Variants in PEX7 observed in about 807,000 individuals in gnomAD.
The protein encoded by PEX7 is peroxisomal biogenesis factor 7.
Under a neutral mutation model 47.5 loss-of-function variants are expected in PEX7, and 34 were observed. The observed-to-expected ratio is 0.72, with a 90% CI of 0.54 to 0.95. The LOEUF (loss-of-function observed/expected upper bound fraction) is 0.95, where lower values mean the gene tolerates loss of function less well. PEX7 is among the 40% of genes least tolerant of loss of function. PEX7 has a pLI of 0.00. For missense variants in PEX7, 394 were observed against 400.3 expected (o/e 0.98, Z 0.13); for synonymous variants, 141 against 148.8 (o/e 0.95, Z 0.38).
intron 5 of PEX7, among the ~76,000 whole-genome samples, chr6:136,858,594 C>A (rs780743941): frequency 3.3e-5 from 5 of 152,144 alleles, no homozygotes; most frequent in Non-Finnish European, 7.4e-5. Context: ...ATTTTTAAAT[C>A]CCAGCTGAAT....
chr6:136,847,805 C>T (rs372441887), intron 5 of PEX7, among the ~76,000 whole-genome samples: 3 of 151,988 alleles, frequency 2.0e-5, no homozygotes, highest in Admixed American at 6.6e-5. Flanking sequence ...TTCTTTTGGC[C>T]TAGGATTGTC....
At chr6:136,842,284 C>T (rs967241040) in intron 3 of PEX7, among the ~76,000 whole-genome samples, 2 of 152,198 alleles carry the variant, frequency 1.3e-5, no homozygotes, top group African/African-American at 4.8e-5. Context: ...CGTGAGCCAC[C>T]ACACTCAGCC....
intron 5 of PEX7, among the ~76,000 whole-genome samples, chr6:136,855,161 T>G: frequency 6.6e-6 from 1 of 152,000 alleles, no homozygotes; most frequent in Admixed American, 6.6e-5. Context: ...GAGCTCTAAT[T>G]GGCAACATAC....
chr6:136,892,867 A>G (rs1374096035), intron 8 of PEX7, among the ~76,000 whole-genome samples: 1 of 152,206 alleles, frequency 6.6e-6, no homozygotes, highest in African/African-American at 2.4e-5. Flanking sequence ...CAATCCATCA[A>G]CTTTTCTTCA....
intron 1 of PEX7, among the ~76,000 whole-genome samples, chr6:136,823,568 G>A (rs1774126849): frequency 6.6e-6 from 1 of 152,030 alleles, no homozygotes; most frequent in Admixed American, 6.6e-5. Flanking sequence ...CTCCAGCCTG[G>A]GTGACAGACT....
In PEX7 at chr6:136,900,295, A is replaced by G. The variant is rs1332000196; in HGVS notation, c.903+2054A>G. 3 of 188,474 alleles carry G rather than the reference A, an allele frequency of 1.6e-5. No homozygotes were observed. The highest frequency in any genetic ancestry group is 5.5e-5 in the Admixed American group (1 of 18,080). The allele number at this position is 188,474 out of a possible 1,614,324, so 11.7% of individuals were successfully genotyped here. On this transcript the variant is annotated intron_variant, in intron 9 of 9. Transcript: ENST00000318471. The surrounding 1 kb of genome is among the most constrained non-coding windows in gnomAD (Gnocchi z 4.2). ...TTAAACACAAACATTTGAGTTGTGT[A>G]TATTATTAATTTATATATTTTTCAA...
At chr6:136,880,753 A>C (rs964917094) in intron 8 of PEX7, among the ~76,000 whole-genome samples, 35 of 152,286 alleles carry the variant, frequency 2.3e-4, no homozygotes, top group African/African-American at 7.5e-4. Context: ...GGCCCAGTCT[A>C]TATAGCTTTG....
chr6:136,851,072 C>T (rs1332691497), intron 5 of PEX7, among the ~76,000 whole-genome samples: 2 of 93,362 alleles, frequency 2.1e-5, no homozygotes, highest in Non-Finnish European at 4.1e-5. Flanking sequence ...CATATGTATA[C>T]ATGTGCCATG....
intron 5 of PEX7, 116 bp from the exon 6 acceptor site, chr6:136,866,511 C>A: frequency 1.2e-6 from 1 of 822,452 alleles, no homozygotes; most frequent in Non-Finnish European, 2.1e-6. Flanking sequence ...CTGAAGGTGG[C>A]AATATCCTAA....
intron 5 of PEX7, among the ~76,000 whole-genome samples, chr6:136,860,826 C>G (rs1774948857): frequency 6.6e-6 from 1 of 152,174 alleles, no homozygotes; most frequent in South Asian, 2.1e-4. Context: ...ATCCTTGTAA[C>G]TGGCACCCAG....
chr6:136,855,421 C>T (rs1454979623), intron 5 of PEX7, among the ~76,000 whole-genome samples: 1 of 150,962 alleles, frequency 6.6e-6, no homozygotes, highest in East Asian at 1.9e-4. Flanking sequence ...CTCACTGCAA[C>T]TTCCGCCTCC....
chr6:136,848,837 C>G (rs1774682207), intron 5 of PEX7, among the ~76,000 whole-genome samples: 1 of 152,192 alleles, frequency 6.6e-6, no homozygotes, highest in South Asian at 2.1e-4. Context: ...CTCTACCAGG[C>G]TTTGGTATCA....
At chr6:136,899,631 C>T (rs1385405725) in intron 9 of PEX7, among the ~76,000 whole-genome samples, 15 of 151,910 alleles carry the variant, frequency 9.9e-5, no homozygotes, top group Admixed American at 3.9e-4. Context: ...CCACCCTCCT[C>T]GGCCTCCCAA....
intron 9 of PEX7, among the ~76,000 whole-genome samples, chr6:136,908,735 G>A (rs534367763): frequency 1.3e-5 from 2 of 152,242 alleles, no homozygotes; most frequent in East Asian, 3.9e-4. Flanking sequence ...ACTGCCTCTC[G>A]AAAGATTGAG....
At chr6:136,910,062 G>A (rs1276280308) in intron 9 of PEX7, among the ~76,000 whole-genome samples, 1 of 152,148 alleles carries the variant, frequency 6.6e-6, no homozygotes, top group Non-Finnish European at 1.5e-5. Context: ...GCAAATAATG[G>A]TTTTCAGTTT....
At chr6:136,869,088 C>G (rs143161477) in intron 6 of PEX7, among the ~76,000 whole-genome samples, 4 of 152,016 alleles carry the variant, frequency 2.6e-5, no homozygotes, top group African/African-American at 9.7e-5. Flanking sequence ...ATGTTGAAAC[C>G]CTTTTTGTTT....
intron 1 of PEX7, among the ~76,000 whole-genome samples, chr6:136,823,652 A>C (rs752250734): frequency 2.0e-5 from 3 of 152,148 alleles, no homozygotes; most frequent in Admixed American, 6.5e-5. Flanking sequence ...GCACTTTGGG[A>C]GGCCGAGGTG....
At position 136,825,201 on chromosome 6, in the gene PEX7, T is replaced by A. The variant is rs1256206160; in HGVS notation, c.131-13T>A. The A allele has an allele frequency of 1.7e-5, 27 of 1,612,754 alleles. No homozygotes were observed. The highest frequency in any genetic ancestry group is 2.0e-5 in the Non-Finnish European group (24 of 1,178,778). ...AGGTTCAAAGGGATGACCTTGATTT[T>A]TTTTCTCTTTAGGCTGTGGAACCCT... is the stretch of plus-strand genomic sequence containing the variant. On this transcript the variant is annotated splice_polypyrimidine_tract_variant and intron_variant, in intron 1 of 9. Coordinates refer to ENST00000318471, the MANE Select transcript of PEX7 (RefSeq NM_000288.4).
chr6:136,834,852 A>G (rs1213663909), intron 3 of PEX7, among the ~76,000 whole-genome samples: 2 of 152,262 alleles, frequency 1.3e-5, no homozygotes, highest in African/African-American at 4.8e-5. Flanking sequence ...GCTGTTAGGT[A>G]GGACTAGACT....
Sources: gnomAD v4.1 joint callset for allele counts (sites outside exome capture counted in the v4.1 genomes callset) on GRCh38, gnomAD v4.1.1 for gene constraint, Gnocchi (gnomAD v3.1) non-coding constraint, MANE v1.5 for transcripts, NCBI Gene and HGNC (gene_info 2026-07-23, HGNC 2026-07-21) for gene names.